The following SLC25A42 variants were observed in gnomAD, a reference collection of about 807,000 sequenced individuals.
SLC25A42 encodes the protein solute carrier family 25 member 42, also known as mitochondrial coenzyme A transporter SLC25A42.
Under a neutral mutation model 34.7 loss-of-function variants are expected in SLC25A42, and 19 were observed. That is an observed-to-expected ratio of 0.55 (90% CI 0.38 to 0.80). SLC25A42 has a LOEUF of 0.80. Ranked by LOEUF, SLC25A42 falls within the 30% of genes least tolerant of loss-of-function variation. The probability of loss-of-function intolerance (pLI) is 0.00; values close to 1 mark genes in which losing one functional copy is unlikely to be tolerated. For synonymous variants in SLC25A42, 205 were observed against 191.2 expected, an observed-to-expected ratio of 1.07 and a Z score of -0.59; for missense variants, 364 against 441.3, an observed-to-expected ratio of 0.82 and a Z score of 1.57.
chr19:19,073,289 C>T (rs752667917), intron 1 of SLC25A42, among the ~76,000 whole-genome samples: 15 of 152,106 alleles, frequency 9.9e-5, no homozygotes, highest in Non-Finnish European at 2.1e-4. Context: ...CCCCTGCCTT[C>T]CAGGGACCCC....
At chr19:19,097,543 C>T (rs542384759) in intron 2 of SLC25A42, among the ~76,000 whole-genome samples, 1 of 152,224 alleles carries the variant, frequency 6.6e-6, no homozygotes. Flanking sequence ...GGTCACTTGC[C>T]GGGCATCACA....
chr19:19,088,298 C>T (rs146915889), intron 1 of SLC25A42, among the ~76,000 whole-genome samples: 26 of 151,482 alleles, frequency 1.7e-4, no homozygotes, highest in South Asian at 8.4e-4. Flanking sequence ...CTCCGCCTTC[C>T]GGGTTCACAC....
chr19:19,066,703 G>C (rs1450496635), intron 1 of SLC25A42, among the ~76,000 whole-genome samples: 1 of 151,482 alleles, frequency 6.6e-6, no homozygotes, highest in African/African-American at 2.4e-5. Flanking sequence ...AGCCTGCCTC[G>C]GTCTCCCAAA....
rs1238201923 is a variant in SLC25A42, at chr19:19,081,126, A to T, written c.-34-14965A>T. Among the ~76,000 whole-genome samples, 1 of 152,048 alleles carries T rather than the reference A, an allele frequency of 6.6e-6. No individual in the cohort carries two copies. The highest frequency in any genetic ancestry group is 1.9e-4 in the East Asian group (1 of 5,188). On this transcript the variant is annotated intron_variant, in intron 1 of 7. Transcript: ENST00000318596. This position sits in a 1 kb window ranked among gnomAD's most constrained non-coding sequence, Gnocchi z 4.5. The stretch of plus-strand genomic sequence containing the variant: ...GTGAGACCCTGAAAAAATAAAAAAA[A>T]GAAGAAAGAAAGAATAAAGAAAAGA...
At chr19:19,106,468 C>T in intron 6 of SLC25A42, 83 bp downstream of exon 6, 6 of 1,180,762 alleles carry the variant, frequency 5.1e-6, no homozygotes, top group South Asian at 1.4e-5. Flanking sequence ...CTCTCTCTAT[C>T]GGGCCCCAGG....
intron 1 of SLC25A42, among the ~76,000 whole-genome samples, chr19:19,075,144 C>A (rs879156919): frequency 6.6e-6 from 1 of 151,804 alleles, no homozygotes; most frequent in African/African-American, 2.4e-5. Context: ...CAGAGTGAGA[C>A]CCTGTCTCAA....
chr19:19,104,465 C>T (rs1483837917), intron 3 of SLC25A42, among the ~76,000 whole-genome samples: 1 of 152,178 alleles, frequency 6.6e-6, no homozygotes, highest in Non-Finnish European at 1.5e-5. Flanking sequence ...CCAAGGGCAG[C>T]ACAGAGCCAG....
chr19:19,094,670 A>G (rs375720582), intron 1 of SLC25A42, among the ~76,000 whole-genome samples: 1 of 152,168 alleles, frequency 6.6e-6, no homozygotes, highest in Non-Finnish European at 1.5e-5. Context: ...ACTCACCGGC[A>G]CTGATGCCTG....
chr19:19,069,997 A>T (rs549387333), intron 1 of SLC25A42, among the ~76,000 whole-genome samples: 2 of 146,938 alleles, frequency 1.4e-5, no homozygotes, highest in Admixed American at 1.4e-4. Context: ...AGCTAATTTT[A>T]TTTTTTATTT....
At chr19:19,091,623 T>C (rs2059738529) in intron 1 of SLC25A42, among the ~76,000 whole-genome samples, 1 of 152,122 alleles carries the variant, frequency 6.6e-6, no homozygotes, top group African/African-American at 2.4e-5. Flanking sequence ...CCACCTGGAA[T>C]CCCAGCGCTT....
chr19:19,086,839 C>T (rs983795226), intron 1 of SLC25A42, among the ~76,000 whole-genome samples: 1 of 152,008 alleles, frequency 6.6e-6, no homozygotes, highest in African/African-American at 2.4e-5. Flanking sequence ...TGGGGCTTTT[C>T]CATGTTGCCC....
Position 19,088,773 on chromosome 19 carries a change from C to CA in SLC25A42, c.-34-7317dup, listed in dbSNP as rs199951456. Among the ~76,000 whole-genome samples the CA allele has an allele frequency of 2.0e-3, 307 of 151,982 alleles. 4 individuals carry two copies. The East Asian group carries it at 0.053, about 26-fold the overall frequency. On this transcript the variant is annotated intron_variant, in intron 1 of 7. Coordinates refer to ENST00000318596, the MANE Select transcript of SLC25A42 (RefSeq NM_178526.5). The stretch of plus-strand genomic sequence containing the variant: ...TTGGCCTCTCAAAGTGCTTGGATTA[C>CA]AGGCATGAGCCACTGCGCCCGGCCT...
intron 1 of SLC25A42, among the ~76,000 whole-genome samples, chr19:19,092,054 G>A (rs1002052198): frequency 3.9e-5 from 6 of 152,152 alleles, no homozygotes; most frequent in East Asian, 1.9e-4. Context: ...GAAGCAGGCC[G>A]CTCTTGTGCT....
chr19:19,082,880 C>T (rs185911191), intron 1 of SLC25A42, among the ~76,000 whole-genome samples: 13 of 152,032 alleles, frequency 8.6e-5, no homozygotes, highest in African/African-American at 2.7e-4. Context: ...TGTAGTGGGG[C>T]GATCTCAGCT....
At chr19:19,084,854 A>G (rs1360606785) in intron 1 of SLC25A42, among the ~76,000 whole-genome samples, 1 of 148,416 alleles carries the variant, frequency 6.7e-6, no homozygotes, top group Non-Finnish European at 1.5e-5. Flanking sequence ...GCTACTGGGG[A>G]GGTGAGGTAA....
At chr19:19,066,237 C>T (rs892572271) in intron 1 of SLC25A42, among the ~76,000 whole-genome samples, 1 of 152,104 alleles carries the variant, frequency 6.6e-6, no homozygotes, top group Admixed American at 6.5e-5. Context: ...CCAGCCTGTA[C>T]CCCGTTCCTC....
chr19:19,065,792 A>G (rs1366171389), intron 1 of SLC25A42, among the ~76,000 whole-genome samples: 1 of 152,228 alleles, frequency 6.6e-6, no homozygotes, highest in African/African-American at 2.4e-5. Context: ...TATTTTATAT[A>G]TACATATTTC....
rs970079878 is a variant in SLC25A42 at position 19,112,137 on chromosome 19, A to T, written c.*1261A>T. On this transcript the variant is annotated 3_prime_UTR_variant, in exon 8 of 8. Coordinates refer to ENST00000318596, the MANE Select transcript of SLC25A42 (RefSeq NM_178526.5). This position sits in a 1 kb window ranked among gnomAD's most constrained non-coding sequence, Gnocchi z 4.3. ...CAACTTGGCTGACCCCGGGTCTATGATCTATTCACATCGAACCCCTGACTG... is the reference window on the plus strand; with the variant it reads ...CAACTTGGCTGACCCCGGGTCTATGTTCTATTCACATCGAACCCCTGACTG... 6.6e-6 allele frequency: 1 copy of T among 152,132 alleles called. No homozygotes were observed. Among genetic ancestry groups the T allele is most frequent in the Non-Finnish European group, 1.5e-5 (1 of 68,042 alleles). The allele number at this position is 152,132 out of a possible 1,614,324, so 9.4% of individuals were successfully genotyped here. A position where few individuals can be genotyped will look rare whatever the true frequency, so the allele number is the denominator to read the frequency against.
intron 1 of SLC25A42, among the ~76,000 whole-genome samples, chr19:19,064,379 C>T (rs868761265): frequency 6.6e-6 from 1 of 151,644 alleles, no homozygotes; most frequent in Middle Eastern, 3.4e-3. Context: ...GGGGCCTTGT[C>T]CCCGGCGCCC....
Sources: gnomAD v4.1 joint callset for allele counts (sites outside exome capture counted in the v4.1 genomes callset) on GRCh38, gnomAD v4.1.1 for gene constraint, Gnocchi (gnomAD v3.1) non-coding constraint, MANE v1.5 for transcripts, NCBI Gene and HGNC (gene_info 2026-07-23, HGNC 2026-07-21) for gene names.